Variants in USP47 observed in about 807,000 individuals in gnomAD.
USP47 encodes the protein ubiquitin specific peptidase 47.
A neutral mutation model predicts 165.1 loss-of-function variants in USP47; 35 were observed. The observed-to-expected ratio is 0.21, with a 90% confidence interval of 0.16 to 0.28. The LOEUF (loss-of-function observed/expected upper bound fraction) is 0.28, where lower values mean the gene tolerates loss of function less well. Ranked by LOEUF, USP47 falls within the 10% of genes least tolerant of loss-of-function variation. The pLI is 1.00. For synonymous variants in USP47, 531 were observed against 544.5 expected, an observed-to-expected ratio of 0.98 and a Z score of 0.35; for missense variants, 1,277 against 1,607.4, an observed-to-expected ratio of 0.79 and a Z score of 3.52.
intron 8 of USP47, among the ~76,000 whole-genome samples, chr11:11,918,761 T>C (rs78442516): frequency 0.019 from 2,846 of 152,024 alleles, 67 homozygotes; most frequent in African/African-American, 0.055. Context: ...CAAAGTAGAA[T>C]TTGAGTTACA....
At chr11:11,903,940 G>A (rs1852384770) in intron 7 of USP47, among the ~76,000 whole-genome samples, 1 of 152,096 alleles carries the variant, frequency 6.6e-6, no homozygotes, top group Non-Finnish European at 1.5e-5. Context: ...GATAAAAGGG[G>A]AAGAGTATAT....
intron 1 of USP47, among the ~76,000 whole-genome samples, chr11:11,873,398 A>G (rs1850197441): frequency 6.6e-6 from 1 of 152,170 alleles, no homozygotes; most frequent in African/African-American, 2.4e-5. Context: ...ATTGTTAAGC[A>G]GCCTTGTTTT....
rs141685289 is a variant in USP47, at chr11:11,852,492, A to G, written c.39+10268A>G. Among the ~76,000 whole-genome samples, 1,140 of 152,278 alleles carry G rather than the reference A, an allele frequency of 7.5e-3. 17 individuals carry two copies. Among genetic ancestry groups the G allele is most frequent in the African/African-American group, 0.026 (1,094 of 41,538 alleles). ...TCACTTCCTTACTTTCCAACACCAC[A>G]TAATGCTTCAGCCCATCTTATGTTT... On this transcript the variant is annotated intron_variant, in intron 1 of 27. Coordinates refer to ENST00000527733, the MANE Select transcript of USP47 (RefSeq NM_001282659.2).
chr11:11,879,001 T>C (rs1283069915), intron 1 of USP47, among the ~76,000 whole-genome samples: 6 of 152,210 alleles, frequency 3.9e-5, no homozygotes, highest in Admixed American at 3.9e-4. Flanking sequence ...GTAGAGATCA[T>C]ATTTCTGAAT....
intron 1 of USP47, among the ~76,000 whole-genome samples, chr11:11,862,485 C>G (rs1849440534): frequency 6.6e-6 from 1 of 151,990 alleles, no homozygotes; most frequent in Non-Finnish European, 1.5e-5. Context: ...GTATTCCTGA[C>G]AAGTCTCCTC....
intron 1 of USP47, among the ~76,000 whole-genome samples, chr11:11,848,869 A>G (rs1214172045): frequency 6.6e-6 from 1 of 152,198 alleles, no homozygotes; most frequent in Non-Finnish European, 1.5e-5. Context: ...TCGGCCTCCC[A>G]AAGTGCTGGG....
chr11:11,956,340 C>A lies in USP47; in HGVS notation c.*165C>A. 1.8e-6 allele frequency: 1 copy of A among 565,522 alleles called. No homozygotes were observed. The highest frequency in any genetic ancestry group is 3.0e-6 in the Non-Finnish European group (1 of 328,410). 35.0% of individuals were successfully genotyped at this position (565,522 alleles called of 1,614,324 possible). The stretch of plus-strand genomic sequence containing the variant: ...CAGAAGCTCAGTGCCCAATGGGCCA[C>A]TGTTTTGACTCGGAATCATGTTGTG... On this transcript the variant is annotated 3_prime_UTR_variant, in exon 28 of 28. Coordinates refer to ENST00000527733, the MANE Select transcript of USP47 (RefSeq NM_001282659.2).
intron 1 of USP47, among the ~76,000 whole-genome samples, chr11:11,859,092 G>T (rs1849229291): frequency 6.6e-6 from 1 of 151,980 alleles, no homozygotes; most frequent in Admixed American, 6.6e-5. Context: ...ATCTGTTTGT[G>T]CTTTTAGTTT....
chr11:11,940,323 C>G (rs1855378458), intron 18 of USP47, 106 bp from the exon 19 acceptor site: 1 of 1,177,814 alleles, frequency 8.5e-7, no homozygotes, highest in Non-Finnish European at 1.1e-6. Flanking sequence ...ATGTTTCTCT[C>G]TGCTGCTTTT....
chr11:11,896,482 C>T (rs1281556049), intron 4 of USP47, among the ~76,000 whole-genome samples: 2 of 152,192 alleles, frequency 1.3e-5, no homozygotes, highest in African/African-American at 4.8e-5. Flanking sequence ...GGACAAATTG[C>T]TGTTGTTTGT....
intron 8 of USP47, among the ~76,000 whole-genome samples, chr11:11,911,944 A>G (rs1358711473): frequency 6.6e-6 from 1 of 152,132 alleles, no homozygotes; most frequent in Non-Finnish European, 1.5e-5. Context: ...GAATATCACA[A>G]AACACTTGGG....
rs1413068372 is a variant in USP47, at chr11:11,942,941, A to G, written c.2920A>G (p.Arg974Gly). ...GLDSHSITSSRRTKANEGKKE... is the reference protein window; with the variant it reads ...GLDSHSITSSGRTKANEGKKE... ...TGACTCTCACAGTATCACAAGTAGT[A>G]GAAGAACGAAAGCAAATGAAGGGAA... The change falls in exon 20 of 28, where the codon AGA becomes GGA. Residue 974 changes from arginine to glycine, a missense_variant. By Grantham distance (125) the Arg-to-Gly change is moderately radical. Transcript: ENST00000527733. 2.5e-6 allele frequency: 4 copies of G among 1,613,518 alleles called. No individual in the cohort carries two copies. The African/African-American group carries it at 5.3e-5, about 22-fold the overall frequency.
intron 1 of USP47, among the ~76,000 whole-genome samples, chr11:11,858,949 G>T (rs1313503738): frequency 1.3e-5 from 2 of 152,164 alleles, no homozygotes; most frequent in Non-Finnish European, 2.9e-5. Flanking sequence ...TGAAATGGCT[G>T]TACCGTTTGT....
Position 11,942,821 on chromosome 11 carries a change from A to G in USP47, c.2800A>G (p.Thr934Ala). The change falls in exon 20 of 28, where the codon ACA (threonine) becomes GCA (alanine). Residue 934 changes from threonine (T) to alanine (A), a missense_variant. Physicochemically the swap from Thr to Ala is moderately conservative, Grantham distance 58. This residue lies in a region of USP47 where 909 missense variants were observed against 1,068.1 expected (regional missense o/e 0.85). Coordinates refer to ENST00000527733, the MANE Select transcript of USP47 (RefSeq NM_001282659.2). ...SDSDVNNDRS[T>A]SSVDSDILSS... ...CTCAGATGTGAATAATGACAGGAGTACAAGTTCAGTGGACAGTGATATTCT... is the reference window on the plus strand; with the variant it reads ...CTCAGATGTGAATAATGACAGGAGTGCAAGTTCAGTGGACAGTGATATTCT... The G allele has an allele frequency of 6.2e-7, 1 of 1,613,744 alleles. No individual in the cohort carries two copies. Among genetic ancestry groups the G allele is most frequent in the African/African-American group, 1.3e-5 (1 of 75,032 alleles).
At chr11:11,893,980 G>A (rs1204870636) in intron 4 of USP47, among the ~76,000 whole-genome samples, 1 of 151,986 alleles carries the variant, frequency 6.6e-6, no homozygotes, top group African/African-American at 2.4e-5. Context: ...ATTATGTTTG[G>A]TATTTAGGAT....
At chr11:11,900,880 T>C (rs1003364865) in intron 5 of USP47, among the ~76,000 whole-genome samples, 2 of 152,318 alleles carry the variant, frequency 1.3e-5, no homozygotes, top group East Asian at 3.9e-4. Context: ...TCCCTATTAG[T>C]GAATTTACCA....
chr11:11,847,622 T>C (rs1848500478), intron 1 of USP47, among the ~76,000 whole-genome samples: 1 of 152,220 alleles, frequency 6.6e-6, no homozygotes. Context: ...TTTTCCTTTT[T>C]CTCACATATA....
At chr11:11,916,522 A>T (rs1276836377) in intron 8 of USP47, among the ~76,000 whole-genome samples, 2 of 152,184 alleles carry the variant, frequency 1.3e-5, no homozygotes, top group African/African-American at 4.8e-5. Context: ...TTCAGGAAAG[A>T]AACAGAAGAA....
intron 1 of USP47, among the ~76,000 whole-genome samples, chr11:11,850,704 C>T (rs1442275231): frequency 6.6e-6 from 1 of 152,078 alleles, no homozygotes; most frequent in Admixed American, 6.6e-5. Context: ...TTGCAGACTC[C>T]CAGTCTTAGT....
Sources: allele counts gnomAD v4.1 joint callset (sites outside exome capture counted in the v4.1 genomes callset), GRCh38; gene constraint gnomAD v4.1.1; regional missense constraint gnomAD v4.1.1; transcripts MANE v1.5; gene names NCBI Gene and HGNC (gene_info 2026-07-23, HGNC 2026-07-21).